NRG1: variants seen among roughly 807,000 people sequenced by gnomAD.
NRG1 encodes pro-neuregulin-1, membrane-bound isoform.
NRG1 carries 18 observed loss-of-function variants against 63.8 expected under a neutral mutation model. That is an observed-to-expected ratio of 0.28 (90% CI 0.19 to 0.42). The LOEUF (loss-of-function observed/expected upper bound fraction) is 0.42, where lower values mean the gene tolerates loss of function less well. Ranked by LOEUF, NRG1 falls within the 10% of genes least tolerant of loss-of-function variation. The pLI, the probability that NRG1 is intolerant of heterozygous loss-of-function variation, is 1.00. For missense variants in NRG1, 762 were observed against 814.7 expected (o/e 0.94, Z 0.79); for synonymous variants, 302 against 301.3 (o/e 1.00, Z -0.02).
rs6988655 is a variant in NRG1 at position 32,496,138 on chromosome 8, A to C, written c.38-99690A>C. ...CAGAAGCCCTGTAGATTTTAGCAAA[A>C]CCCCCCAGACACAATGTCAAATTTC... On this transcript the variant is annotated intron_variant, in intron 1 of 10. Coordinates refer to the NRG1 transcript ENST00000519301. Among the ~76,000 whole-genome samples the C allele has an allele frequency of 3.0e-3, 451 of 151,680 alleles. 1 individual carries two copies. The highest frequency in any genetic ancestry group is 9.6e-3 in the African/African-American group (398 of 41,334).
chr8:32,299,639 G>C (rs770806675), intron 1 of NRG1, among the ~76,000 whole-genome samples: 17 of 152,120 alleles, frequency 1.1e-4, no homozygotes, highest in Admixed American at 6.6e-4. Context: ...GAGATTTAAT[G>C]GACTCACAGT....
chr8:32,194,762 A>G (rs1842809801), intron 1 of NRG1, among the ~76,000 whole-genome samples: 1 of 152,162 alleles, frequency 6.6e-6, no homozygotes, highest in African/African-American at 2.4e-5. Context: ...TACCTGAGAA[A>G]CATTTTAAAA....
chr8:31,887,337 AAG>A (rs1830798187), intron 1 of NRG1, among the ~76,000 whole-genome samples: 1 of 152,122 alleles, frequency 6.6e-6, no homozygotes, highest in South Asian at 2.1e-4. Flanking sequence ...ACTATTGTTA[AAG>A]AGAGAGAAAA....
intron 3 of NRG1, among the ~76,000 whole-genome samples, chr8:32,608,082 GGTTTTTTTTGTTTTTTTTTTTTTT>G (rs936396242): frequency 7.6e-6 from 1 of 131,966 alleles, no homozygotes; most frequent in African/African-American, 3.0e-5. Flanking sequence ...TATGAACCCA[GGTTTTTTTTGTTTTTTTTTTTTTT>G]GTTTTTTTTT....
intron 1 of NRG1, among the ~76,000 whole-genome samples, chr8:31,787,258 T>C (rs1820265231): frequency 6.6e-6 from 1 of 152,258 alleles, no homozygotes; most frequent in Non-Finnish European, 1.5e-5. Context: ...CAAGTGCAAC[T>C]TCTTTTTAGA....
chr8:31,927,609 C>T (rs1177251715), intron 1 of NRG1, among the ~76,000 whole-genome samples: 29 of 149,768 alleles, frequency 1.9e-4, no homozygotes, highest in African/African-American at 5.6e-4. Context: ...CCACTACGCC[C>T]GGCTAATTTT....
chr8:31,653,091 C>T (rs2130893684), intron 1 of NRG1, among the ~76,000 whole-genome samples: 1 of 145,196 alleles, frequency 6.9e-6, no homozygotes, highest in East Asian at 2.1e-4. Context: ...AAAATAAAAG[C>T]CTAGAACTCT....
At chr8:32,380,590 TCCA>T (rs996594982) in intron 1 of NRG1, among the ~76,000 whole-genome samples, 11 of 152,240 alleles carry the variant, frequency 7.2e-5, no homozygotes, top group Admixed American at 7.2e-4. Flanking sequence ...CCAATCCTGG[TCCA>T]CCTCCCCTGT....
At chr8:32,249,321 A>T (rs1848873490) in intron 1 of NRG1, among the ~76,000 whole-genome samples, 1 of 152,076 alleles carries the variant, frequency 6.6e-6, no homozygotes, top group African/African-American at 2.4e-5. Flanking sequence ...TTTCTGAATT[A>T]CAGACATGTA....
At chr8:32,699,920 T>A (rs1008658561) in intron 5 of NRG1, among the ~76,000 whole-genome samples, 6 of 152,232 alleles carry the variant, frequency 3.9e-5, no homozygotes, top group African/African-American at 1.4e-4. Flanking sequence ...TATTGACAAC[T>A]TTATTAAAAG....
intron 1 of NRG1, among the ~76,000 whole-genome samples, chr8:31,661,263 C>T (rs2130937920): frequency 6.6e-6 from 1 of 152,274 alleles, no homozygotes; most frequent in South Asian, 2.1e-4. Flanking sequence ...AAGGAATTTC[C>T]TGGCCACTCC....
intron 1 of NRG1, among the ~76,000 whole-genome samples, chr8:31,994,641 A>C (rs1586338558): frequency 9.1e-6 from 1 of 109,728 alleles, no homozygotes; most frequent in African/African-American, 3.5e-5. Flanking sequence ...GTGACAGAGC[A>C]ATACTCTGTC....
intron 1 of NRG1, among the ~76,000 whole-genome samples, chr8:31,750,540 A>C (rs780690642): frequency 5.9e-5 from 9 of 152,090 alleles, no homozygotes; most frequent in Middle Eastern, 3.4e-3. Flanking sequence ...ACTCAAGTGC[A>C]CTTAACAGTG....
At chr8:31,796,152 G>T (rs753187557) in intron 1 of NRG1, among the ~76,000 whole-genome samples, 2 of 152,150 alleles carry the variant, frequency 1.3e-5, no homozygotes, top group Admixed American at 1.3e-4. Flanking sequence ...GAATTGACAT[G>T]TTGGGACATT....
At chr8:32,690,093 G>T (rs1270908076) in intron 5 of NRG1, among the ~76,000 whole-genome samples, 2 of 152,130 alleles carry the variant, frequency 1.3e-5, no homozygotes, top group African/African-American at 4.8e-5. Flanking sequence ...CATTGACTTA[G>T]TGTTATCTTG....
chr8:32,684,752 A>C (rs1239671224), intron 5 of NRG1, among the ~76,000 whole-genome samples: 5 of 152,126 alleles, frequency 3.3e-5, no homozygotes, highest in African/African-American at 1.2e-4. Context: ...GTCCATTTCA[A>C]CATTTTATTG....
intron 1 of NRG1, among the ~76,000 whole-genome samples, chr8:32,126,116 A>G (rs527916025): frequency 2.4e-4 from 37 of 152,006 alleles, no homozygotes; most frequent in African/African-American, 7.0e-4. Flanking sequence ...CTCCACAACA[A>G]TTTATTGAGT....
At chr8:32,520,259 T>A (rs1331302850) in intron 1 of NRG1, among the ~76,000 whole-genome samples, 2 of 152,060 alleles carry the variant, frequency 1.3e-5, no homozygotes, top group East Asian at 3.9e-4. Flanking sequence ...AATTCCGGGC[T>A]TAAGTAATAC....
intron 9 of NRG1, among the ~76,000 whole-genome samples, chr8:32,756,779 C>T (rs1243279300): frequency 6.6e-6 from 1 of 152,160 alleles, no homozygotes; most frequent in Non-Finnish European, 1.5e-5. Context: ...TGGGTTTGTT[C>T]TGCAAGGAGG....
Sources: allele counts gnomAD v4.1 joint callset (sites outside exome capture counted in the v4.1 genomes callset), GRCh38; gene constraint gnomAD v4.1.1; transcripts MANE v1.5; gene names NCBI Gene and HGNC (gene_info 2026-07-23, HGNC 2026-07-21).